RALGAPA2: variants seen among roughly 807,000 people sequenced by gnomAD.
The protein encoded by RALGAPA2 is ral GTPase-activating protein subunit alpha-2.
RALGAPA2 carries 139 observed loss-of-function variants against 230.4 expected under a neutral mutation model. That is an observed-to-expected ratio of 0.60 (90% confidence interval 0.53 to 0.69). RALGAPA2 has a LOEUF of 0.69. Among genes scored for constraint, RALGAPA2 ranks in the 30% least tolerant of loss-of-function variants. RALGAPA2 has a pLI of 0.00. For synonymous variants in RALGAPA2, 847 were observed against 837.8 expected (o/e 1.01, Z -0.19); for missense variants, 2,163 against 2,276.0 (o/e 0.95, Z 1.01).
intron 26 of RALGAPA2, among the ~76,000 whole-genome samples, chr20:20,531,996 G>T (rs1415385585): frequency 6.6e-6 from 1 of 152,036 alleles, no homozygotes; most frequent in Non-Finnish European, 1.5e-5. Flanking sequence ...TATTGATAAT[G>T]GTTTAGTACT....
At chr20:20,473,017 G>A (rs766649796) in intron 36 of RALGAPA2, 61 bp from the exon 37 acceptor site, 457 of 1,509,850 alleles carry the variant, frequency 3.0e-4, no homozygotes, top group Non-Finnish European at 2.9e-4. Context: ...TCAAAGATAT[G>A]AGAGTAGCTG....
intron 3 of RALGAPA2, among the ~76,000 whole-genome samples, 175 bp from the exon 4 acceptor site, chr20:20,653,762 C>T (rs978340676): frequency 1.3e-5 from 2 of 152,158 alleles, no homozygotes; most frequent in African/African-American, 4.8e-5. Flanking sequence ...TCACTTGCCC[C>T]AGGCAAGCTT....
chr20:20,489,963 G>A (rs1225533761), intron 36 of RALGAPA2, among the ~76,000 whole-genome samples: 2 of 152,238 alleles, frequency 1.3e-5, no homozygotes, highest in African/African-American at 4.8e-5. Flanking sequence ...CAAATAAGAA[G>A]AAGATGTATA....
chr20:20,657,235 C>G (rs1191233899), intron 3 of RALGAPA2, among the ~76,000 whole-genome samples: 1 of 152,186 alleles, frequency 6.6e-6, no homozygotes, highest in African/African-American at 2.4e-5. Flanking sequence ...CTCTGCCAGC[C>G]TAGCGGAAGC....
At chr20:20,469,537 C>T (rs116100893) in intron 37 of RALGAPA2, among the ~76,000 whole-genome samples, 1,647 of 152,232 alleles carry the variant, frequency 0.011, 30 homozygotes, top group African/African-American at 0.038. Context: ...ATAGTTACAG[C>T]GAGTAGAGAT....
intron 3 of RALGAPA2, among the ~76,000 whole-genome samples, chr20:20,674,093 G>C (rs985423450): frequency 5.3e-5 from 8 of 151,942 alleles, no homozygotes; most frequent in Admixed American, 4.6e-4. Context: ...CTACTCAGGA[G>C]GCTGAGGCAG....
intron 18 of RALGAPA2, among the ~76,000 whole-genome samples, chr20:20,588,327 T>C (rs1393392303): frequency 1.3e-5 from 2 of 152,158 alleles, no homozygotes; most frequent in African/African-American, 4.8e-5. Context: ...ACAATGTGAA[T>C]AAATCTTAAA....
At chr20:20,673,276 C>T (rs1388312369) in intron 3 of RALGAPA2, among the ~76,000 whole-genome samples, 1 of 148,638 alleles carries the variant, frequency 6.7e-6, no homozygotes, top group Non-Finnish European at 1.5e-5. Flanking sequence ...AAAGGAACAA[C>T]AATTACACCA....
chr20:20,606,409 C>G (rs2065822878), intron 14 of RALGAPA2, among the ~76,000 whole-genome samples: 1 of 152,226 alleles, frequency 6.6e-6, no homozygotes, highest in African/African-American at 2.4e-5. Context: ...GACAGTGCTA[C>G]TTACACAACC....
At chr20:20,709,472 C>T (rs1249945583) in intron 1 of RALGAPA2, among the ~76,000 whole-genome samples, 1 of 152,086 alleles carries the variant, frequency 6.6e-6, no homozygotes, top group Non-Finnish European at 1.5e-5. Context: ...ACGTGGACAA[C>T]AGAGCAAAGA....
chr20:20,414,083 A>T (rs944467934), intron 37 of RALGAPA2, among the ~76,000 whole-genome samples: 6 of 152,266 alleles, frequency 3.9e-5, no homozygotes, highest in African/African-American at 1.4e-4. Context: ...TCTGGCGAAC[A>T]GGCACTCTGA....
chr20:20,585,981 G>T (rs1309136064), intron 18 of RALGAPA2, among the ~76,000 whole-genome samples: 2 of 152,150 alleles, frequency 1.3e-5, no homozygotes, highest in East Asian at 3.8e-4. Context: ...AAAATATTTA[G>T]AAGATTTAGA....
At chr20:20,473,514 C>T (rs1286057138) in intron 36 of RALGAPA2, among the ~76,000 whole-genome samples, 1 of 151,950 alleles carries the variant, frequency 6.6e-6, no homozygotes, top group Non-Finnish European at 1.5e-5. Flanking sequence ...ACAGGGTCTC[C>T]TTCTCTCACC....
chr20:20,643,104 G>A (rs138618371), intron 5 of RALGAPA2, among the ~76,000 whole-genome samples: 1 of 152,236 alleles, frequency 6.6e-6, no homozygotes, highest in East Asian at 1.9e-4. Flanking sequence ...ATTAATTAGA[G>A]ACAACTATAA....
intron 16 of RALGAPA2, among the ~76,000 whole-genome samples, chr20:20,600,218 C>T (rs1340059509): frequency 1.3e-5 from 2 of 152,140 alleles, no homozygotes; most frequent in African/African-American, 4.8e-5. Context: ...ATCGCTTGAA[C>T]CTGGGAGGCA....
At chr20:20,497,478 T>C (rs1481331124) in intron 35 of RALGAPA2, among the ~76,000 whole-genome samples, 1 of 152,206 alleles carries the variant, frequency 6.6e-6, no homozygotes, top group Non-Finnish European at 1.5e-5. Context: ...GGTCCCTTGG[T>C]ATAATGCTTG....
intron 1 of RALGAPA2, among the ~76,000 whole-genome samples, chr20:20,686,833 A>C (rs2068718734): frequency 6.6e-6 from 1 of 152,158 alleles, no homozygotes. Context: ...GTCTCACAAA[A>C]ACCTGCTTCA....
intron 37 of RALGAPA2, among the ~76,000 whole-genome samples, chr20:20,452,442 C>A (rs2061008083): frequency 6.6e-6 from 1 of 152,154 alleles, no homozygotes; most frequent in Non-Finnish European, 1.5e-5. Context: ...ATATGCCATG[C>A]GAAGGCCTAT....
Position 20,472,834 on chromosome 20 carries a change from C to T in RALGAPA2, c.5490G>A (p.Gln1830=). 1.9e-6 allele frequency: 3 copies of T among 1,612,126 alleles called. No homozygotes were observed. The highest frequency in any genetic ancestry group is 2.5e-6 in the Non-Finnish European group (3 of 1,179,330). ...CATTTAAAGCAAAAAGATACAAGCTCTGGTAGAGTGGGATGAGGCACTTCA... is the reference window on the plus strand; with the variant it reads ...CATTTAAAGCAAAAAGATACAAGCTTTGGTAGAGTGGGATGAGGCACTTCA... ...RAVKCLIPLY[Q]SFYEERALYL... The change falls in exon 37 of 40, where the codon CAG becomes CAA. Residue 1830 remains glutamine, a synonymous_variant. Transcript: ENST00000202677.
Sources: gnomAD v4.1 joint callset for allele counts (sites outside exome capture counted in the v4.1 genomes callset) on GRCh38, gnomAD v4.1.1 for gene constraint, MANE v1.5 for transcripts, NCBI Gene and HGNC (gene_info 2026-07-23, HGNC 2026-07-21) for gene names.